The following UIMC1 variants were observed in gnomAD, a reference collection of about 807,000 sequenced individuals.
UIMC1 encodes ubiquitin interaction motif containing 1, also known as BRCA1-A complex subunit RAP80.
UIMC1 carries 42 observed loss-of-function variants against 84.9 expected under a neutral mutation model. That is an observed-to-expected ratio of 0.49 (90% CI 0.39 to 0.64). The LOEUF (loss-of-function observed/expected upper bound fraction) is 0.64, where lower values mean the gene tolerates loss of function less well. Ranked by LOEUF, UIMC1 falls within the 30% of genes least tolerant of loss-of-function variation. UIMC1 has a pLI of 0.00. For synonymous variants in UIMC1, 281 were observed against 293.0 expected (o/e 0.96, Z 0.42); for missense variants, 825 against 847.6 (o/e 0.97, Z 0.33).
At chr5:177,007,513 TACAA>T (rs1405513673), upstream of UIMC1, among the ~76,000 whole-genome samples, 3 of 152,160 alleles carry the variant, frequency 2.0e-5, no homozygotes, top group Non-Finnish European at 4.4e-5. Flanking sequence ...AGTGATATAC[TACAA>T]CAAATAAAAC....
At chr5:176,999,189 A>C (rs926183987) in intron 1 of UIMC1, among the ~76,000 whole-genome samples, 3 of 152,122 alleles carry the variant, frequency 2.0e-5, no homozygotes, top group Admixed American at 6.6e-5. Flanking sequence ...TAATAATAAT[A>C]ATCCTCAAAA....
Position 176,908,632 on chromosome 5 carries a change from T to A in UIMC1, c.1739A>T (p.Asp580Val). The A allele has an allele frequency of 6.2e-7, 1 of 1,614,048 alleles. No individual in the cohort carries two copies. The highest frequency in any genetic ancestry group is 2.2e-5 in the East Asian group (1 of 44,880). The change falls in exon 12 of 15, where the codon GAC (aspartate) becomes GTC (valine). Residue 580 changes from aspartate (D) to valine (V), a missense_variant. Transcript: ENST00000511320. ...AGCCTTTGCAAGCTGGAGACAGGAG[T>A]CCACATGACACTGATACTCTCTAAA... The part of the protein sequence containing the change: ...VPFREYQCHV[D>V]SCLQLAKADQ...
At chr5:176,978,823 C>T (rs1218529844) in intron 2 of UIMC1, among the ~76,000 whole-genome samples, 1 of 152,080 alleles carries the variant, frequency 6.6e-6, no homozygotes, top group Non-Finnish European at 1.5e-5. Context: ...AAAACCACTA[C>T]TAGTAAATAA....
At chr5:176,996,865 T>G (rs1247486928) in intron 1 of UIMC1, among the ~76,000 whole-genome samples, 2 of 151,944 alleles carry the variant, frequency 1.3e-5, no homozygotes. Context: ...AGAAGATGAG[T>G]CAGAGATTTA....
chr5:176,993,439 C>T (rs1226727344), intron 1 of UIMC1, among the ~76,000 whole-genome samples: 1 of 152,058 alleles, frequency 6.6e-6, no homozygotes, highest in Non-Finnish European at 1.5e-5. Flanking sequence ...TCCTCCCACC[C>T]AGGTCTCCCA....
rs1252816879 is a variant in UIMC1 at position 176,951,555 on chromosome 5, T to G, written c.1362A>C (p.Glu454Asp). 6.3e-7 allele frequency: 1 copy of G among 1,592,878 alleles called. No homozygotes were observed. ...AGACTTCTCTTTCAAGGTCAAAAGT[T>G]TCAGAGGAACTTAGCTGGGTCTCTG... ...VCPETQLSSSETFDLEREVSP... is the reference protein window; with the variant it reads ...VCPETQLSSSDTFDLEREVSP... The change falls in exon 9 of 15, where the codon GAA (glutamate) becomes GAC (aspartate). Residue 454 changes from glutamate (E) to aspartate (D), a missense_variant. Glu to Asp is a conservative substitution (Grantham distance 45). Transcript: ENST00000511320.
chr5:176,991,439 G>A (rs1772819119), intron 1 of UIMC1, among the ~76,000 whole-genome samples: 1 of 151,872 alleles, frequency 6.6e-6, no homozygotes, highest in Non-Finnish European at 1.5e-5. Flanking sequence ...TATGAAATCT[G>A]GCAAATTGAG....
chr5:176,982,887 CAG>C (rs1349823592), intron 1 of UIMC1, among the ~76,000 whole-genome samples: 14 of 152,150 alleles, frequency 9.2e-5, no homozygotes, highest in African/African-American at 3.4e-4. Flanking sequence ...TTAGTACAGA[CAG>C]AGTTTCACCA....
At chr5:177,008,293 A>G (rs1775459308), upstream of UIMC1, among the ~76,000 whole-genome samples, 1 of 151,954 alleles carries the variant, frequency 6.6e-6, no homozygotes, top group Non-Finnish European at 1.5e-5. Context: ...ACCCACCTGA[A>G]CCATTTCTTC....
intron 10 of UIMC1, among the ~76,000 whole-genome samples, chr5:176,918,408 T>A (rs1761291267): frequency 6.6e-6 from 1 of 152,042 alleles, no homozygotes; most frequent in African/African-American, 2.4e-5. Context: ...AAGAGAGGAG[T>A]AAGCCTAATG....
intron 1 of UIMC1, among the ~76,000 whole-genome samples, chr5:177,012,663 A>G (rs568480182): frequency 2.0e-4 from 30 of 152,262 alleles, no homozygotes; most frequent in African/African-American, 7.2e-4. Flanking sequence ...ACTGCACTCC[A>G]GCCTGGGTGA....
intron 1 of UIMC1, among the ~76,000 whole-genome samples, chr5:176,989,899 G>C (rs1295491607): frequency 6.6e-6 from 1 of 150,662 alleles, no homozygotes; most frequent in Non-Finnish European, 1.5e-5. Context: ...TGGGGCCTGG[G>C]GCCAGGCGCA....
Position 176,905,936 on chromosome 5 carries a change from C to T in UIMC1, c.1949+75G>A, listed in dbSNP as rs757224854. ...CTGCAACAGTCTGAGTATCACACTA[C>T]ACACAGAACACAGGACAAGGCCTGC... On this transcript the variant is annotated intron_variant, in intron 14 of 14. Transcript: ENST00000511320. The T allele has an allele frequency of 3.3e-6, 5 of 1,493,532 alleles. 1 individual carries two copies. The Middle Eastern group carries it at 5.1e-4, about 153-fold the overall frequency. 92.5% of individuals were successfully genotyped at this position (1,493,532 alleles called of 1,614,324 possible).
intron 1 of UIMC1, among the ~76,000 whole-genome samples, chr5:177,004,763 G>A (rs567436913): frequency 6.6e-6 from 1 of 152,260 alleles, no homozygotes; most frequent in South Asian, 2.1e-4. Flanking sequence ...TCTATCTGAA[G>A]AAAAATCACT....
chr5:176,956,162 G>A (rs551734095), intron 7 of UIMC1, 127 bp from the exon 8 acceptor site: 9 of 744,268 alleles, frequency 1.2e-5, no homozygotes, highest in African/African-American at 1.8e-5. Context: ...TACCACAAAA[G>A]CACAATAGGA....
chr5:176,923,926 CAG>C (rs1491472856), intron 10 of UIMC1, among the ~76,000 whole-genome samples: 3 of 145,798 alleles, frequency 2.1e-5, no homozygotes, highest in South Asian at 2.1e-4. Context: ...CACACACACA[CAG>C]ACACACACAC....
exon 1 of UIMC1, chr5:177,022,473 G>A (rs1775910931): frequency 4.4e-6 from 2 of 456,792 alleles, no homozygotes. Context: ...CCGTGAGCAA[G>A]GTGAGAGCCA....
At chr5:176,975,965 C>CTTT (rs1280664842) in intron 2 of UIMC1, among the ~76,000 whole-genome samples, 2 of 151,622 alleles carry the variant, frequency 1.3e-5, no homozygotes, top group East Asian at 3.9e-4. Flanking sequence ...TAATAAGAAA[C>CTTT]GCAAACAAAA....
At chr5:176,958,219 T>A (rs907577843) in intron 6 of UIMC1, 65 bp from the exon 7 acceptor site, 145 of 1,374,076 alleles carry the variant, frequency 1.1e-4, no homozygotes, top group Non-Finnish European at 1.2e-4. Context: ...CTTCCTTTTT[T>A]AAAAAAATTT....
Sources: gnomAD v4.1 joint callset for allele counts (sites outside exome capture counted in the v4.1 genomes callset) on GRCh38, gnomAD v4.1.1 for gene constraint, MANE v1.5 for transcripts, NCBI Gene and HGNC (gene_info 2026-07-23, HGNC 2026-07-21) for gene names.